The following CENPQ variants were observed in gnomAD, a reference collection of about 807,000 sequenced individuals.
CENPQ encodes the protein centromere protein Q.
Under a neutral mutation model 36.6 loss-of-function variants are expected in CENPQ, and 27 were observed. The ratio of observed to expected loss-of-function variants is 0.74; its 90% CI spans 0.54 to 1.02. The LOEUF is 1.02. CENPQ is among the 50% of genes least tolerant of loss of function. The pLI is 0.00. For synonymous variants in CENPQ, 101 were observed against 101.7 expected, an observed-to-expected ratio of 0.99 and a Z score of 0.04; for missense variants, 306 against 301.8, an observed-to-expected ratio of 1.01 and a Z score of -0.10.
At chr6:49,479,348 A>G (rs2127426005) in intron 5 of CENPQ, among the ~76,000 whole-genome samples, 1 of 152,286 alleles carries the variant, frequency 6.6e-6, no homozygotes, top group South Asian at 2.1e-4. Context: ...TTCAAAAGAA[A>G]ACATACATGC....
At chr6:49,478,990 T>C (rs1768367105) in intron 5 of CENPQ, among the ~76,000 whole-genome samples, 1 of 152,170 alleles carries the variant, frequency 6.6e-6, no homozygotes, top group African/African-American at 2.4e-5. Flanking sequence ...TTCCACATAA[T>C]TGGTTTAATA....
intron 8 of CENPQ, among the ~76,000 whole-genome samples, chr6:49,489,018 C>T (rs967020162): frequency 3.3e-5 from 5 of 152,026 alleles, no homozygotes; most frequent in South Asian, 2.1e-4. Flanking sequence ...TGACTGATAG[C>T]GTGGTGATTA....
chr6:49,491,130 G>A (rs556931514), intron 8 of CENPQ, among the ~76,000 whole-genome samples: 2 of 152,134 alleles, frequency 1.3e-5, no homozygotes, highest in South Asian at 4.2e-4. Context: ...AGGCATCCTG[G>A]TATATCATAG....
intron 1 of CENPQ, among the ~76,000 whole-genome samples, chr6:49,465,618 G>A (rs1767982584): frequency 6.6e-6 from 1 of 152,206 alleles, no homozygotes; most frequent in Non-Finnish European, 1.5e-5. Flanking sequence ...GCTTCACTTT[G>A]TACTTTCATG....
At chr6:49,482,450 A>ACT (rs1390512875) in intron 6 of CENPQ, among the ~76,000 whole-genome samples, 2 of 152,076 alleles carry the variant, frequency 1.3e-5, no homozygotes, top group Non-Finnish European at 2.9e-5. Context: ...CACTCTAGCT[A>ACT]CTTCCTGCTG....
chr6:49,474,014 A>T (rs1347544413), intron 5 of CENPQ, among the ~76,000 whole-genome samples: 1 of 152,224 alleles, frequency 6.6e-6, no homozygotes, highest in East Asian at 1.9e-4. Flanking sequence ...CCAGATTCAT[A>T]AAGCAAGTCC....
rs1364549437 is a variant in CENPQ, at chr6:49,468,603, G to A, written c.-18-1556G>A. ...CAGTGCAAGACTTCTTAAAAAAAAA[G>A]CAAGTGTTTCTAAGCAAGAAGAAGT... On this transcript the variant is annotated intron_variant, in intron 1 of 8. Transcript: ENST00000335783. Among the ~76,000 whole-genome samples, 4 of 152,080 alleles carry A rather than the reference G, an allele frequency of 2.6e-5. No homozygotes were observed. The East Asian group carries it at 7.8e-4, about 30-fold the overall frequency.
intron 1 of CENPQ, among the ~76,000 whole-genome samples, chr6:49,464,573 A>G (rs558569683): frequency 2.0e-5 from 3 of 152,234 alleles, no homozygotes; most frequent in Admixed American, 6.5e-5. Context: ...ATTAGAGTAA[A>G]TCCTCTTAAC....
intron 6 of CENPQ, among the ~76,000 whole-genome samples, chr6:49,481,464 C>T (rs1434822449): frequency 2.6e-5 from 4 of 151,992 alleles, no homozygotes; most frequent in Admixed American, 6.6e-5. Flanking sequence ...TGCAGACCTT[C>T]GCGGTGAGTG....
intron 5 of CENPQ, among the ~76,000 whole-genome samples, chr6:49,479,049 A>G (rs1768368026): frequency 6.6e-6 from 1 of 152,194 alleles, no homozygotes; most frequent in African/African-American, 2.4e-5. Flanking sequence ...TAAGAAAATA[A>G]AAAACTTATT....
intron 3 of CENPQ, 69 bp from the exon 4 acceptor site, chr6:49,471,994 A>C (rs535971062): frequency 1.9e-5 from 28 of 1,475,038 alleles, no homozygotes; most frequent in Non-Finnish European, 2.4e-5. Context: ...AGATGAAAAC[A>C]TTCCATTTTT....
chr6:49,472,259 A>C, intron 4 of CENPQ, 76 bp downstream of exon 4: 2 of 1,169,024 alleles, frequency 1.7e-6, no homozygotes, highest in Non-Finnish European at 2.3e-6. Context: ...TCTTTTAAAT[A>C]TTGCTATCTA....
chr6:49,483,287 A>T (rs1407020254), intron 6 of CENPQ, among the ~76,000 whole-genome samples: 1 of 152,084 alleles, frequency 6.6e-6, no homozygotes, highest in Admixed American at 6.5e-5. Context: ...AGATTGGTGT[A>T]TTTACAATCC....
At chr6:49,491,529 G>A (rs1048692926) in intron 8 of CENPQ, among the ~76,000 whole-genome samples, 1 of 152,086 alleles carries the variant, frequency 6.6e-6, no homozygotes, top group Non-Finnish European at 1.5e-5. Flanking sequence ...CTTATTTGTA[G>A]TAAACTATTT....
At chr6:49,491,221 G>A (rs1176434504) in intron 8 of CENPQ, among the ~76,000 whole-genome samples, 1 of 152,158 alleles carries the variant, frequency 6.6e-6, no homozygotes, top group East Asian at 1.9e-4. Context: ...AAACTGTTTG[G>A]CAAATTACTT....
At chr6:49,486,124 G>A (rs1768573331) in intron 6 of CENPQ, among the ~76,000 whole-genome samples, 1 of 152,000 alleles carries the variant, frequency 6.6e-6, no homozygotes, top group Admixed American at 6.6e-5. Flanking sequence ...CACAATAGAA[G>A]GCATAAATAA....
intron 8 of CENPQ, among the ~76,000 whole-genome samples, chr6:49,491,437 CA>C (rs1287463539): frequency 2.6e-5 from 4 of 151,990 alleles, no homozygotes; most frequent in Admixed American, 1.3e-4. Context: ...TTGTAGGATA[CA>C]TTTCTAGAAG....
chr6:49,489,053 ATTTC>A (rs1399489712), intron 8 of CENPQ, among the ~76,000 whole-genome samples: 1 of 152,104 alleles, frequency 6.6e-6, no homozygotes, highest in East Asian at 1.9e-4. Flanking sequence ...GCATGTGGCA[ATTTC>A]TTAAAATAAG....
At chr6:49,487,154 A>AC (rs1768603679) in intron 6 of CENPQ, among the ~76,000 whole-genome samples, 1 of 174 alleles carries the variant, frequency 5.7e-3, no homozygotes, top group Non-Finnish European at 0.25. Context: ...ACTCCATCTC[A>AC]AAAAAAAAAA....
Sources: gnomAD v4.1 joint callset for allele counts (sites outside exome capture counted in the v4.1 genomes callset) on GRCh38, gnomAD v4.1.1 for gene constraint, MANE v1.5 for transcripts, NCBI Gene and HGNC (gene_info 2026-07-23, HGNC 2026-07-21) for gene names.